Variants in CACNB4 observed in about 807,000 individuals in gnomAD.
CACNB4 encodes calcium voltage-gated channel auxiliary subunit beta 4.
Under a neutral mutation model 71.2 loss-of-function variants are expected in CACNB4, and 32 were observed. The ratio of observed to expected loss-of-function variants is 0.45; its 90% CI spans 0.34 to 0.60. The LOEUF is 0.60. Among genes scored for constraint, CACNB4 ranks in the 20% least tolerant of loss-of-function variants. The pLI is 0.01. For synonymous variants in CACNB4, 231 were observed against 236.9 expected (o/e 0.97, Z 0.23); for missense variants, 464 against 647.9 (o/e 0.72, Z 3.08).
intron 2 of CACNB4, among the ~76,000 whole-genome samples, chr2:152,095,664 TG>T (rs1688225872): frequency 6.6e-6 from 1 of 152,170 alleles, no homozygotes; most frequent in African/African-American, 2.4e-5. Context: ...TTTGTTTGTT[TG>T]TTTGTTTGAT....
At chr2:151,888,520 G>A (rs2099849942) in intron 2 of CACNB4, among the ~76,000 whole-genome samples, 1 of 152,122 alleles carries the variant, frequency 6.6e-6, no homozygotes, top group Non-Finnish European at 1.5e-5. Context: ...GAGCCATGAT[G>A]ATGCCACAGC....
chr2:151,914,331 T>G (rs1375543842), intron 2 of CACNB4, among the ~76,000 whole-genome samples: 1 of 152,218 alleles, frequency 6.6e-6, no homozygotes, highest in African/African-American at 2.4e-5. Context: ...AGGTAATTTA[T>G]GTTCCTCTAA....
intron 2 of CACNB4, among the ~76,000 whole-genome samples, chr2:151,925,402 T>C (rs780459553): frequency 1.3e-4 from 20 of 152,206 alleles, no homozygotes; most frequent in Non-Finnish European, 2.2e-4. Context: ...GGTCCTAAAG[T>C]TGAAGTACCA....
chr2:152,072,379 A>G (rs567343751), intron 2 of CACNB4, among the ~76,000 whole-genome samples: 5 of 152,374 alleles, frequency 3.3e-5, no homozygotes, highest in African/African-American at 1.2e-4. Context: ...CTTAATGAAT[A>G]TTAAATTTTA....
chr2:151,878,207 T>C (rs959080198), intron 4 of CACNB4, among the ~76,000 whole-genome samples: 1 of 150,590 alleles, frequency 6.6e-6, no homozygotes, highest in Non-Finnish European at 1.5e-5. Flanking sequence ...TGTGTGTGTA[T>C]ATATATATAT....
intron 2 of CACNB4, among the ~76,000 whole-genome samples, chr2:152,093,638 TC>T (rs1688108715): frequency 6.6e-6 from 1 of 152,098 alleles, no homozygotes; most frequent in Admixed American, 6.6e-5. Flanking sequence ...CACCATATTA[TC>T]CGGGAGCTCA....
At chr2:151,876,841 GTA>G (rs1170902349) in intron 4 of CACNB4, among the ~76,000 whole-genome samples, 1 of 107,638 alleles carries the variant, frequency 9.3e-6, no homozygotes, top group East Asian at 2.5e-4. Context: ...AAACTATATT[GTA>G]TATGTGTATA....
At chr2:151,890,047 T>C (rs533468333) in intron 2 of CACNB4, among the ~76,000 whole-genome samples, 1 of 152,338 alleles carries the variant, frequency 6.6e-6, no homozygotes, top group East Asian at 1.9e-4. Flanking sequence ...CTTTTTTTAA[T>C]TACAGTCTTC....
chr2:152,032,673 AAGATTTTTT>A (rs1684348265), intron 2 of CACNB4, among the ~76,000 whole-genome samples: 1 of 152,192 alleles, frequency 6.6e-6, no homozygotes, highest in Non-Finnish European at 1.5e-5. Context: ...CCATCTTAAA[AAGATTTTTT>A]AGGCAGGGTG....
At chr2:151,938,581 TGTAA>T (rs1193573141) in intron 2 of CACNB4, among the ~76,000 whole-genome samples, 2 of 152,256 alleles carry the variant, frequency 1.3e-5, no homozygotes, top group South Asian at 2.1e-4. Flanking sequence ...GCTGGATTTC[TGTAA>T]GTAAGACCTT....
intron 2 of CACNB4, among the ~76,000 whole-genome samples, chr2:151,949,102 C>T (rs373908385): frequency 6.6e-6 from 1 of 151,604 alleles, no homozygotes; most frequent in Non-Finnish European, 1.5e-5. Context: ...CCCTGACTTC[C>T]TCCTTCTTTG....
At chr2:152,083,517 G>T (rs1222664940) in intron 2 of CACNB4, among the ~76,000 whole-genome samples, 1 of 152,284 alleles carries the variant, frequency 6.6e-6, no homozygotes, top group East Asian at 1.9e-4. Flanking sequence ...ACAATAACGG[G>T]TGCTAAACTG....
chr2:151,932,159 T>C (rs983303966), intron 2 of CACNB4, among the ~76,000 whole-genome samples: 5 of 151,924 alleles, frequency 3.3e-5, no homozygotes, highest in African/African-American at 4.8e-5. Flanking sequence ...AATAAGCACA[T>C]AAAATATAAA....
intron 2 of CACNB4, among the ~76,000 whole-genome samples, chr2:151,999,413 A>G (rs1408270766): frequency 6.7e-6 from 1 of 149,378 alleles, no homozygotes; most frequent in African/African-American, 2.5e-5. Flanking sequence ...TGGGGGAATC[A>G]TTTCAGTGAG....
chr2:151,891,230 G>T (rs762347343), intron 2 of CACNB4, among the ~76,000 whole-genome samples: 20 of 152,160 alleles, frequency 1.3e-4, no homozygotes, highest in Admixed American at 6.5e-4. Context: ...TTAATTGCTA[G>T]TCTGAGGAGA....
chr2:152,031,514 T>C (rs1035247106), intron 2 of CACNB4, among the ~76,000 whole-genome samples: 1 of 152,160 alleles, frequency 6.6e-6, no homozygotes, highest in African/African-American at 2.4e-5. Flanking sequence ...ATCTGTACTG[T>C]GGCCCCTCTG....
chr2:152,047,248 G>A (rs1237283378), intron 2 of CACNB4, among the ~76,000 whole-genome samples: 1 of 152,128 alleles, frequency 6.6e-6, no homozygotes, highest in African/African-American at 2.4e-5. Context: ...ACCCTTACCA[G>A]ATGGAAAATG....
intron 2 of CACNB4, among the ~76,000 whole-genome samples, chr2:151,887,116 G>A (rs2099849552): frequency 6.6e-6 from 1 of 152,188 alleles, no homozygotes; most frequent in Admixed American, 6.5e-5. Context: ...AATGTTAGAT[G>A]CTAAGAGAAC....
chr2:152,032,064 T>C (rs1049067301), intron 2 of CACNB4, among the ~76,000 whole-genome samples: 3 of 152,024 alleles, frequency 2.0e-5, no homozygotes, highest in Admixed American at 2.0e-4. Flanking sequence ...GATCCTTCTA[T>C]AGTGTGGGGA....
Sources: allele counts gnomAD v4.1 joint callset (sites outside exome capture counted in the v4.1 genomes callset), GRCh38; gene constraint gnomAD v4.1.1; transcripts MANE v1.5; gene names NCBI Gene and HGNC (gene_info 2026-07-23, HGNC 2026-07-21).